METTL21A: variants seen among roughly 807,000 people sequenced by gnomAD.
The protein encoded by METTL21A is protein N-lysine methyltransferase METTL21A.
METTL21A carries 22 observed loss-of-function variants against 20.9 expected under a neutral mutation model. The observed-to-expected ratio is 1.05, with a 90% confidence interval of 0.75 to 1.50. The LOEUF (loss-of-function observed/expected upper bound fraction) is 1.50. Among genes scored for constraint, METTL21A ranks in the 40% most tolerant of loss-of-function variants. METTL21A has a pLI of 0.00. For missense variants in METTL21A, 271 were observed against 266.8 expected (o/e 1.02, Z -0.11); for synonymous variants, 93 against 102.0 (o/e 0.91, Z 0.53).
At chr2:207,596,383 A>C (rs766038283) in intron 3 of METTL21A, among the ~76,000 whole-genome samples, 1 of 152,202 alleles carries the variant, frequency 6.6e-6, no homozygotes, top group Non-Finnish European at 1.5e-5. Context: ...ATTAATAGTA[A>C]GATGTAATTT....
intron 1 of METTL21A, 89 bp from the exon 2 acceptor site, chr2:207,624,493 A>G (rs2090887890): frequency 1.7e-6 from 2 of 1,190,672 alleles, no homozygotes; most frequent in Non-Finnish European, 2.2e-6. Flanking sequence ...AAGGTCGTTT[A>G]CAAGTTCAAA....
intron 3 of METTL21A, among the ~76,000 whole-genome samples, chr2:207,617,548 A>C (rs946540203): frequency 2.0e-5 from 3 of 152,376 alleles, no homozygotes; most frequent in East Asian, 1.9e-4. Flanking sequence ...AGAAAAAGTG[A>C]GGCTGAAGAG....
At chr2:207,622,000 C>G (rs1298961569) in intron 2 of METTL21A, 83 bp from the exon 3 acceptor site, 1 of 1,157,814 alleles carries the variant, frequency 8.6e-7, no homozygotes, top group Non-Finnish European at 1.3e-6. Context: ...TACACCCACC[C>G]CTCTCCCACT....
intron 3 of METTL21A, among the ~76,000 whole-genome samples, chr2:207,604,052 A>T (rs1321730379): frequency 2.0e-5 from 3 of 152,208 alleles, no homozygotes; most frequent in Non-Finnish European, 2.9e-5. Context: ...GCACAAAATG[A>T]GACATTTTGA....
At chr2:207,588,735 T>TG (rs1263069459) in intron 3 of METTL21A, among the ~76,000 whole-genome samples, 78 of 146,436 alleles carry the variant, frequency 5.3e-4, no homozygotes, top group Non-Finnish European at 9.4e-4. Context: ...CTGGTTTTTT[T>TG]TTTTTTTGTG....
intron 3 of METTL21A, among the ~76,000 whole-genome samples, chr2:207,615,379 C>T (rs907490967): frequency 6.6e-6 from 1 of 151,512 alleles, no homozygotes; most frequent in Non-Finnish European, 1.5e-5. Flanking sequence ...TCACTGGAGC[C>T]CAGGAGGTCA....
intron 3 of METTL21A, among the ~76,000 whole-genome samples, chr2:207,592,039 A>G (rs2085140991): frequency 6.6e-6 from 1 of 152,224 alleles, no homozygotes; most frequent in South Asian, 2.1e-4. Context: ...TCTTCTGGCA[A>G]TGAATTCCCT....
downstream of METTL21A, among the ~76,000 whole-genome samples, chr2:207,606,379 G>A (rs887116796): frequency 6.6e-6 from 1 of 152,190 alleles, no homozygotes. Context: ...CTACTCGGGA[G>A]GCTGAGGCAG....
chr2:207,615,070 A>G (rs958515811), intron 3 of METTL21A, among the ~76,000 whole-genome samples: 1 of 152,200 alleles, frequency 6.6e-6, no homozygotes, highest in African/African-American at 2.4e-5. Flanking sequence ...AAAATGCTCA[A>G]GTTGTTAGAT....
chr2:207,592,467 G>A (rs553848856), intron 3 of METTL21A, among the ~76,000 whole-genome samples: 23 of 151,944 alleles, frequency 1.5e-4, no homozygotes, highest in South Asian at 2.1e-4. Flanking sequence ...CAAGAAATCT[G>A]TGTGTATATA....
chr2:207,605,909 CTT>C (rs2088011578), downstream of METTL21A, among the ~76,000 whole-genome samples: 2 of 152,112 alleles, frequency 1.3e-5, no homozygotes. Context: ...TTTTTATTAA[CTT>C]ATGTTGATTA....
At chr2:207,597,166 C>T (rs969213161) in intron 3 of METTL21A, 12 of 1,222,834 alleles carry the variant, frequency 9.8e-6, no homozygotes, top group African/African-American at 3.2e-5. Flanking sequence ...TTTTTCTATG[C>T]GCAAAACTGC....
At chr2:207,602,163 G>A (rs1386418147) in intron 3 of METTL21A, 3 of 196,736 alleles carry the variant, frequency 1.5e-5, no homozygotes, top group East Asian at 1.6e-4. Flanking sequence ...CTTTAAGAGG[G>A]ACCAGATAAC....
chr2:207,623,441 A>G (rs1462839922), intron 2 of METTL21A, among the ~76,000 whole-genome samples: 1 of 152,214 alleles, frequency 6.6e-6, no homozygotes, highest in Non-Finnish European at 1.5e-5. Context: ...CAGGGCAGGG[A>G]GAGGAAGAAG....
downstream of METTL21A, among the ~76,000 whole-genome samples, chr2:207,604,608 A>G (rs985690105): frequency 6.6e-6 from 1 of 152,254 alleles, no homozygotes; most frequent in Non-Finnish European, 1.5e-5. Context: ...ATTAAGATGC[A>G]ATTCACATAA....
At chr2:207,597,794 G>A (rs905845493) in intron 3 of METTL21A, 4 of 197,764 alleles carry the variant, frequency 2.0e-5, no homozygotes, top group African/African-American at 6.9e-5. Flanking sequence ...CCAACTGAAC[G>A]ACAAAGCATG....
intron 3 of METTL21A, among the ~76,000 whole-genome samples, chr2:207,619,789 G>A (rs2090260024): frequency 6.6e-6 from 1 of 151,962 alleles, no homozygotes; most frequent in Admixed American, 6.6e-5. Context: ...GTTACTCAGA[G>A]AGTAATCAAC....
At chr2:207,619,037 A>T (rs2090148449) in intron 3 of METTL21A, among the ~76,000 whole-genome samples, 1 of 152,164 alleles carries the variant, frequency 6.6e-6, no homozygotes, top group Non-Finnish European at 1.5e-5. Flanking sequence ...GGTAAGGCCT[A>T]CTTACCATGC....
chr2:207,585,779 C>T (rs1478043426), intron 3 of METTL21A, among the ~76,000 whole-genome samples: 1 of 151,972 alleles, frequency 6.6e-6, no homozygotes, highest in Admixed American at 6.6e-5. Flanking sequence ...AAAAAACAGT[C>T]GAGCAGAAAG....
Sources: allele counts gnomAD v4.1 joint callset (sites outside exome capture counted in the v4.1 genomes callset), GRCh38; gene constraint gnomAD v4.1.1; transcripts MANE v1.5; gene names NCBI Gene and HGNC (gene_info 2026-07-23, HGNC 2026-07-21).